The following BANP variants were observed in gnomAD, a reference collection of about 807,000 sequenced individuals.
BANP encodes the protein BTG3 associated nuclear protein.
In BANP, 11 loss-of-function variants were observed where a neutral mutation model predicts 68.1. That is an observed-to-expected ratio of 0.16 (90% CI 0.10 to 0.27). The LOEUF (loss-of-function observed/expected upper bound fraction) is 0.27. Ranked by LOEUF, BANP falls within the 10% of genes least tolerant of loss-of-function variation. The probability of loss-of-function intolerance (pLI) is 1.00; values close to 1 mark genes in which losing one functional copy is unlikely to be tolerated. For missense variants in BANP, 504 were observed against 722.7 expected, an observed-to-expected ratio of 0.70 and a Z score of 3.47; for synonymous variants, 329 against 303.2, an observed-to-expected ratio of 1.09 and a Z score of -0.88.
At position 88,057,063 on chromosome 16, in the gene BANP, A is replaced by G. The variant is rs896529260; in HGVS notation, c.1312-8204A>G. 6.6e-6 allele frequency among the ~76,000 whole-genome samples: 1 copy of G among 152,246 alleles called. No homozygotes were observed. The highest frequency in any genetic ancestry group is 2.4e-5 in the African/African-American group (1 of 41,466). Reference sequence around the variant, plus strand: ...TACAAATCCTTTTGGTGGGATCCAAATGTGAGAACTTTTTCTGAATAAGGG... The same window carrying G: ...TACAAATCCTTTTGGTGGGATCCAAGTGTGAGAACTTTTTCTGAATAAGGG... On this transcript the variant is annotated intron_variant, in intron 11 of 13. Transcript: ENST00000682872. The surrounding 1 kb of genome is among the most constrained non-coding windows in gnomAD (Gnocchi z 4.6).
intron 1 of BANP, chr16:87,963,251 C>G (rs2059493957): frequency 6.6e-6 from 1 of 152,306 alleles, no homozygotes; most frequent in Non-Finnish European, 1.5e-5. Flanking sequence ...AGCGTCTTCT[C>G]TCCCTGGTCG....
rs561720617 is a variant in BANP at position 87,989,167 on chromosome 16, C to T, written c.362+4908C>T. On this transcript the variant is annotated intron_variant, in intron 4 of 13. Transcript: ENST00000682872. ...AAGTTGAATCATTGTAATAAAAATG[C>T]GAGTCACCTGGATGGGCCTCATCCA... Among the ~76,000 whole-genome samples the T allele has an allele frequency of 5.3e-5, 8 of 152,300 alleles. No individual in the cohort carries two copies. In the East Asian group the frequency reaches 5.8e-4, roughly 11 times the overall value.
chr16:87,974,365 C>T (rs755465201), intron 1 of BANP, among the ~76,000 whole-genome samples: 39 of 152,172 alleles, frequency 2.6e-4, no homozygotes, highest in Admixed American at 5.2e-4. Context: ...GTGCGAGGCT[C>T]GGGGACAGCC....
intron 11 of BANP, among the ~76,000 whole-genome samples, chr16:88,050,929 C>T (rs1567875485): frequency 1.3e-5 from 2 of 152,334 alleles, no homozygotes; most frequent in East Asian, 1.9e-4. Flanking sequence ...TCAAGCGATC[C>T]GCCTGCCTCA....
rs118153222 is a variant in BANP at position 88,015,164 on chromosome 16, C to T, written c.656-3264C>T. ...GCTCCCTTAGCTCGTGCCCTCTGCC[C>T]GTCCCCTCTGCCTGTGCCCTCTGCC... is the stretch of plus-strand genomic sequence containing the variant. On this transcript the variant is annotated intron_variant, in intron 6 of 13. Coordinates refer to ENST00000682872, the MANE Select transcript of BANP (RefSeq NM_001386991.1). 3.3e-4 allele frequency among the ~76,000 whole-genome samples: 48 copies of T among 145,344 alleles called. 2 individuals are homozygous for T. The East Asian group carries it at 8.4e-3, about 25-fold the overall frequency.
intron 4 of BANP, among the ~76,000 whole-genome samples, chr16:87,987,712 C>CAAAAAAAAAA (rs66648819): frequency 0.02 from 598 of 30,372 alleles, 155 homozygotes; most frequent in Non-Finnish European, 0.022. Context: ...GACCCTAACT[C>CAAAAAAAAAA]AAAAAAAAAA....
At chr16:88,073,580 C>T (rs568226842) in intron 13 of BANP, among the ~76,000 whole-genome samples, 2 of 152,310 alleles carry the variant, frequency 1.3e-5, no homozygotes, top group South Asian at 2.1e-4. Context: ...TGAAGGCAAA[C>T]TCGTTCGGCA....
intron 9 of BANP, 58 bp from the exon 10 acceptor site, chr16:88,035,265 T>C (rs2079062620): frequency 7.0e-7 from 1 of 1,431,710 alleles, no homozygotes; most frequent in Non-Finnish European, 9.6e-7. Context: ...AAGATGTTTC[T>C]TGTTTCCTTT....
chr16:88,075,277 C>T (rs768652805), intron 13 of BANP, among the ~76,000 whole-genome samples: 7 of 152,152 alleles, frequency 4.6e-5, no homozygotes, highest in East Asian at 3.9e-4. Context: ...ACCCGGGAGG[C>T]GGAGGTTGCA....
intron 3 of BANP, among the ~76,000 whole-genome samples, chr16:87,981,981 CT>C (rs1567653481): frequency 6.6e-6 from 1 of 152,182 alleles, no homozygotes; most frequent in Non-Finnish European, 1.5e-5. Context: ...TCATATAATT[CT>C]TCTACTTACA....
chr16:88,053,528 C>CCCT (rs1277701789), intron 11 of BANP, among the ~76,000 whole-genome samples: 2 of 147,316 alleles, frequency 1.4e-5, no homozygotes, highest in African/African-American at 5.2e-5. Flanking sequence ...AGCACAACCA[C>CCCT]AACCACCTTA....
chr16:88,044,359 C>T (rs1482196462), intron 11 of BANP, among the ~76,000 whole-genome samples: 2 of 152,242 alleles, frequency 1.3e-5, no homozygotes, highest in African/African-American at 2.4e-5. Context: ...GGCAGCTTTC[C>T]ACTGTGGTTC....
chr16:88,052,658 C>G (rs1331977736), intron 11 of BANP, among the ~76,000 whole-genome samples: 1 of 151,976 alleles, frequency 6.6e-6, no homozygotes, highest in Non-Finnish European at 1.5e-5. Flanking sequence ...ACCATCATCA[C>G]AACCACCCTA....
chr16:87,961,113 A>G (rs889661111), intron 1 of BANP, among the ~76,000 whole-genome samples: 1 of 152,240 alleles, frequency 6.6e-6, no homozygotes. Flanking sequence ...CATTTAGAGT[A>G]CAAGTCAAGC....
intron 11 of BANP, among the ~76,000 whole-genome samples, chr16:88,040,494 G>A (rs1208975507): frequency 1.3e-5 from 2 of 150,586 alleles, no homozygotes; most frequent in Admixed American, 6.6e-5. Flanking sequence ...GAAGCCCCGA[G>A]CAGTGCGGGG....
chr16:88,035,741 G>C (rs1451520021), intron 10 of BANP, among the ~76,000 whole-genome samples: 2 of 152,186 alleles, frequency 1.3e-5, no homozygotes, highest in African/African-American at 2.4e-5. Context: ...GCCGAGATGG[G>C]GTCTGCCCCT....
intron 1 of BANP, among the ~76,000 whole-genome samples, chr16:87,963,893 C>T (rs2059609428): frequency 6.6e-6 from 1 of 152,152 alleles, no homozygotes; most frequent in African/African-American, 2.4e-5. Flanking sequence ...TCCTTTTAGT[C>T]CTCTTTTAAT....
rs111874575 is a variant in BANP, at chr16:87,993,360, C to T, written c.362+9101C>T. On this transcript the variant is annotated intron_variant, in intron 4 of 13. Coordinates refer to ENST00000682872, the MANE Select transcript of BANP (RefSeq NM_001386991.1). ...GAGTGTCACAGATACTGTTGTCAGT[C>T]TACCCGGGAGCCTTGTCTCTTCTTT... is the stretch of plus-strand genomic sequence containing the variant. Among the ~76,000 whole-genome samples, 649 of 152,346 alleles carry T rather than the reference C, an allele frequency of 4.3e-3. 4 individuals are homozygous for T. Among genetic ancestry groups the T allele is most frequent in the African/African-American group, 0.014 (586 of 41,568 alleles).
chr16:88,032,208 C>T lies in BANP; in HGVS notation c.1064-901C>T, dbSNP rs150035740. On this transcript the variant is annotated intron_variant, in intron 8 of 13. Coordinates refer to ENST00000682872, the MANE Select transcript of BANP (RefSeq NM_001386991.1). ...AGAATTTCATCTTACTGCTTCCCTCCCCTGTACCCCCGAGATGGAGTCTCG... is the reference window on the plus strand; with the variant it reads ...AGAATTTCATCTTACTGCTTCCCTCTCCTGTACCCCCGAGATGGAGTCTCG... Among the ~76,000 whole-genome samples, 4 of 152,016 alleles carry T rather than the reference C, an allele frequency of 2.6e-5. No individual in the cohort carries two copies. In the South Asian group the frequency reaches 8.4e-4, roughly 32 times the overall value.
Sources: gnomAD v4.1 joint callset for allele counts (sites outside exome capture counted in the v4.1 genomes callset) on GRCh38, gnomAD v4.1.1 for gene constraint, Gnocchi (gnomAD v3.1) non-coding constraint, MANE v1.5 for transcripts, NCBI Gene and HGNC (gene_info 2026-07-23, HGNC 2026-07-21) for gene names.